The following CD72 variants were observed in gnomAD, a reference collection of about 807,000 sequenced individuals.
The protein encoded by CD72 is B-cell differentiation antigen CD72.
In CD72, 28 loss-of-function variants were observed where a neutral mutation model predicts 50.7. That is an observed-to-expected ratio of 0.55 (90% confidence interval 0.41 to 0.76). CD72 has a LOEUF of 0.76. CD72 is among the 30% of genes least tolerant of loss of function. The pLI, the probability that CD72 is intolerant of heterozygous loss-of-function variation, is 0.00. For missense variants in CD72, 403 were observed against 420.6 expected (o/e 0.96, Z 0.37); for synonymous variants, 176 against 171.2 (o/e 1.03, Z -0.22).
chr9:35,627,368 A>T (rs1044546573), intron 1 of CD72, among the ~76,000 whole-genome samples: 2 of 141,348 alleles, frequency 1.4e-5, no homozygotes, highest in Non-Finnish European at 3.1e-5. Flanking sequence ...GAGCTCAAGC[A>T]ATTCACCCAC....
chr9:35,617,296 C>G (rs1823081205), intron 2 of CD72, 49 bp from the exon 3 acceptor site: 2 of 1,502,374 alleles, frequency 1.3e-6, no homozygotes, highest in Non-Finnish European at 1.8e-6. Flanking sequence ...GAGTGTTGCC[C>G]CTTCTCCTCC....
At chr9:35,637,001 G>A (rs1823296622) in intron 1 of CD72, among the ~76,000 whole-genome samples, 1 of 152,078 alleles carries the variant, frequency 6.6e-6, no homozygotes, top group South Asian at 2.1e-4. Context: ...AATTGACTTT[G>A]TGACAATACA....
intron 1 of CD72, among the ~76,000 whole-genome samples, chr9:35,632,584 T>C (rs1362874817): frequency 1.3e-5 from 2 of 151,468 alleles, no homozygotes; most frequent in Non-Finnish European, 2.9e-5. Context: ...ATTAGCTTTT[T>C]TTTTTTTTTC....
At chr9:35,635,938 T>C (rs1157882001) in intron 1 of CD72, among the ~76,000 whole-genome samples, 2 of 152,164 alleles carry the variant, frequency 1.3e-5, no homozygotes, top group Non-Finnish European at 1.5e-5. Flanking sequence ...GAGGTCTAAG[T>C]ATCACTATTA....
At chr9:35,620,941 A>G (rs568951516), upstream of CD72, among the ~76,000 whole-genome samples, 1 of 152,232 alleles carries the variant, frequency 6.6e-6, no homozygotes, top group Non-Finnish European at 1.5e-5. Flanking sequence ...TGATGGTTAC[A>G]TATCTTTTCA....
chr9:35,616,847 G>A, intron 3 of CD72, 158 bp from the exon 4 acceptor site: 1 of 994,512 alleles, frequency 1.0e-6, no homozygotes, highest in Admixed American at 2.1e-5. Context: ...GTCGGGTAGC[G>A]GGGTGTTTCG....
intron 1 of CD72, among the ~76,000 whole-genome samples, chr9:35,633,356 G>C (rs533715628): frequency 6.7e-6 from 1 of 150,330 alleles, no homozygotes; most frequent in Non-Finnish European, 1.5e-5. Context: ...CTTGAAATAA[G>C]TGCTCCCTTT....
upstream of CD72, chr9:35,618,517 G>A: frequency 5.9e-6 from 7 of 1,182,054 alleles, no homozygotes; most frequent in Non-Finnish European, 8.4e-6. Flanking sequence ...CCTGGGCCAG[G>A]GCCAGAGGGG....
Position 35,616,934 on chromosome 9 carries a change from T to C in CD72, c.262+242A>G, listed in dbSNP as rs1351712738. On this transcript the variant is annotated intron_variant, in intron 3 of 8. Transcript: ENST00000259633. ...GTTACCTGGGAGAAGGGGAAGGAAA[T>C]ATCAGACGGAGAGAGGGGAAGGGGG... 4 of 1,364,632 alleles carry C rather than the reference T, an allele frequency of 2.9e-6. No individual in the cohort carries two copies. In the East Asian group the frequency reaches 1.0e-4, roughly 35 times the overall value. The allele number at this position is 1,364,632 out of a possible 1,614,324, so 84.5% of individuals were successfully genotyped here. A position where few individuals can be genotyped will look rare whatever the true frequency, so the allele number is the denominator to read the frequency against.
At chr9:35,619,175 A>T (rs1823116975), upstream of CD72, among the ~76,000 whole-genome samples, 1 of 152,128 alleles carries the variant, frequency 6.6e-6, no homozygotes, top group Non-Finnish European at 1.5e-5. Flanking sequence ...CTTCCCACCC[A>T]GCCCCAAGGA....
In CD72 at chr9:35,618,258, G is replaced by T; in HGVS notation, c.46C>A (p.Pro16Thr). ...CGGCTGGAGATGCTCTTCTTCAGGGGAGCCTTCACAAACCTCAGATCTGCA... is the reference window on the plus strand; with the variant it reads ...CGGCTGGAGATGCTCTTCTTCAGGGTAGCCTTCACAAACCTCAGATCTGCA... ...TYADLRFVKA[P>T]LKKSISSRLG... Residue 16 changes from proline to threonine, a missense_variant, in exon 1 of 9, where the codon CCC becomes ACC. By Grantham distance (38) the Pro-to-Thr change is conservative. Coordinates refer to ENST00000259633, the MANE Select transcript of CD72 (RefSeq NM_001782.3). The T allele has an allele frequency of 1.9e-6, 3 of 1,614,166 alleles. No homozygotes were observed. The highest frequency in any genetic ancestry group is 1.1e-5 in the South Asian group (1 of 91,090).
chr9:35,633,340 T>A (rs1049212389), intron 1 of CD72, among the ~76,000 whole-genome samples: 1 of 152,050 alleles, frequency 6.6e-6, no homozygotes, highest in Non-Finnish European at 1.5e-5. Flanking sequence ...ATTCTTTTCA[T>A]AATTTCTTGA....
chr9:35,617,105 C>A, intron 3 of CD72, 71 bp downstream of exon 3: 1 of 1,544,262 alleles, frequency 6.5e-7, no homozygotes, highest in South Asian at 1.2e-5. Flanking sequence ...CCCCGCGGGG[C>A]CCAGCGCCAT....
chr9:35,626,165 C>A (rs1160739585), intron 1 of CD72, among the ~76,000 whole-genome samples: 2 of 151,066 alleles, frequency 1.3e-5, no homozygotes, highest in African/African-American at 4.9e-5. Context: ...ACATTCACGA[C>A]TCATGGGAGG....
intron 1 of CD72, among the ~76,000 whole-genome samples, chr9:35,637,653 T>C (rs1208632202): frequency 1.3e-5 from 2 of 152,184 alleles, no homozygotes; most frequent in Non-Finnish European, 2.9e-5. Context: ...GCGCTGGTCA[T>C]GGACTCAGGA....
At chr9:35,626,632 T>C (rs773353680) in intron 1 of CD72, among the ~76,000 whole-genome samples, 28 of 152,136 alleles carry the variant, frequency 1.8e-4, no homozygotes, top group Non-Finnish European at 2.6e-4. Flanking sequence ...TTTTAGGAAA[T>C]TGCCAGAGCC....
chr9:35,618,798 T>C, upstream of CD72: 2 of 1,285,156 alleles, frequency 1.6e-6, no homozygotes, highest in Non-Finnish European at 2.0e-6. Context: ...AGACTGGGGG[T>C]TCCTGGTTTG....
At chr9:35,631,831 A>G (rs1419035397) in intron 1 of CD72, among the ~76,000 whole-genome samples, 1 of 152,182 alleles carries the variant, frequency 6.6e-6, no homozygotes, top group Non-Finnish European at 1.5e-5. Flanking sequence ...CGGAGCTTGC[A>G]GTGAGCCGAG....
chr9:35,610,696 T>C lies in CD72; in HGVS notation c.1008A>G (p.Thr336=). 4 of 1,610,630 alleles carry C rather than the reference T, an allele frequency of 2.5e-6. No individual in the cohort carries two copies. The highest frequency in any genetic ancestry group is 2.5e-6 in the Non-Finnish European group (3 of 1,176,850). Residue 336 remains threonine (T), a synonymous_variant, in exon 8 of 9, where the codon ACA becomes ACG. Coordinates refer to ENST00000259633, the MANE Select transcript of CD72 (RefSeq NM_001782.3). ...NKVHKTWSWW[T]LESESCRSSL... is the part of the protein sequence containing the mutation. ...AACTTCTACATGACTCTGACTCCAG[T>C]GTCCACCATGACCAAGTTTTATGTA...
Sources: gnomAD v4.1 joint callset for allele counts (sites outside exome capture counted in the v4.1 genomes callset) on GRCh38, gnomAD v4.1.1 for gene constraint, MANE v1.5 for transcripts, NCBI Gene and HGNC (gene_info 2026-07-23, HGNC 2026-07-21) for gene names.